The following RPS6KA3 variants were observed in gnomAD, a reference collection of about 807,000 sequenced individuals.
RPS6KA3 encodes ribosomal protein S6 kinase alpha-3.
A neutral mutation model predicts 67.2 loss-of-function variants in RPS6KA3; 4 were observed. The observed-to-expected ratio is 0.06, with a 90% CI of 0.03 to 0.14. The LOEUF (loss-of-function observed/expected upper bound fraction) is 0.14, where lower values mean the gene tolerates loss of function less well. Ranked by LOEUF, RPS6KA3 falls within the 10% of genes least tolerant of loss-of-function variation. The pLI, the probability that RPS6KA3 is intolerant of heterozygous loss-of-function variation, is 1.00. For synonymous variants in RPS6KA3, 182 were observed against 183.7 expected (o/e 0.99, Z 0.07); for missense variants, 204 against 559.0 (o/e 0.36, Z 6.40).
rs747820943 is a variant in RPS6KA3, at chrX:20,188,488, T to G, written c.631+9A>C. 3 of 982,523 alleles carry G rather than the reference T, an allele frequency of 3.1e-6. No individual in the cohort carries two copies. The Admixed American group carries it at 7.0e-5, about 23-fold the overall frequency. 81.0% of individuals were successfully genotyped at this position (982,523 alleles called of 1,213,427 possible). Reference sequence around the variant, plus strand: ...AAATATTTTAATAAAACGAGGATTTTTTTTTTACCTGTTAACTTGATGTGA... The same window carrying G: ...AAATATTTTAATAAAACGAGGATTTGTTTTTTACCTGTTAACTTGATGTGA... On this transcript the variant is annotated intron_variant, in intron 8 of 21. Transcript: ENST00000379565.
intron 2 of RPS6KA3, among the ~76,000 whole-genome samples, chrX:20,221,043 T>C (rs1038671914): frequency 8.9e-6 from 1 of 112,379 alleles, no homozygotes; most frequent in African/African-American, 3.2e-5. Context: ...CAATGAGCAA[T>C]TGCTTTATTC....
chrX:20,233,393 AATATAGG>A (rs1826189807), intron 2 of RPS6KA3, among the ~76,000 whole-genome samples: 1 of 110,853 alleles, frequency 9.0e-6, no homozygotes, highest in South Asian at 3.8e-4. Context: ...AATTACATTA[AATATAGG>A]ATATTCATAA....
intron 4 of RPS6KA3, among the ~76,000 whole-genome samples, chrX:20,199,081 A>G (rs1351559528): frequency 9.0e-6 from 1 of 111,524 alleles, no homozygotes; most frequent in Non-Finnish European, 1.9e-5. Flanking sequence ...CATGTTGGCC[A>G]GGCTGGTCTC....
At position 20,151,507 on chromosome X, in the gene RPS6KA3, C is replaced by CT. The variant is rs2067101970; in HGVS notation, c.*3890_*3891insA. The CT allele has an allele frequency of 8.9e-6, 1 of 112,340 alleles. No individual in the cohort carries two copies. The highest frequency in any genetic ancestry group is 1.9e-5 in the Non-Finnish European group (1 of 53,198). 9.3% of individuals were successfully genotyped at this position (112,340 alleles called of 1,213,427 possible). A position where few individuals can be genotyped will look rare whatever the true frequency, so the allele number is the denominator to read the frequency against. On this transcript the variant is annotated 3_prime_UTR_variant, in exon 22 of 22. Coordinates refer to ENST00000379565, the MANE Select transcript of RPS6KA3 (RefSeq NM_004586.3). ...CATGGCATTGGGCCTTTCAGAGGGA[C>CT]ACAACTCTAGGACTAGATTGAAACC... is the stretch of plus-strand genomic sequence containing the variant.
At chrX:20,210,033 T>C (rs1196335458) in intron 2 of RPS6KA3, among the ~76,000 whole-genome samples, 5 of 111,977 alleles carry the variant, frequency 4.5e-5, no homozygotes, top group Non-Finnish European at 3.8e-5. Flanking sequence ...GAGAAAAGAT[T>C]TAACATTTGG....
intron 10 of RPS6KA3, among the ~76,000 whole-genome samples, chrX:20,182,765 T>A (rs913826488): frequency 1.8e-5 from 2 of 111,975 alleles, no homozygotes; most frequent in African/African-American, 6.5e-5. Context: ...CTTTAGAAGA[T>A]AAGGACAAAA....
At position 20,266,898 on chromosome X, in the gene RPS6KA3, T is replaced by C; in HGVS notation, c.-266A>G. The stretch of plus-strand genomic sequence containing the variant: ...TCGCGCCTCCGCTGGGCACCGGGTC[T>C]CGCCCCTTTCTTCCTCTCCTCCTTC... On this transcript the variant is annotated 5_prime_UTR_variant, in exon 1 of 22. Coordinates refer to ENST00000379565, the MANE Select transcript of RPS6KA3 (RefSeq NM_004586.3). 1 of 576,059 alleles carries C rather than the reference T, an allele frequency of 1.7e-6. No individual in the cohort carries two copies. Among genetic ancestry groups the C allele is most frequent in the Non-Finnish European group, 2.1e-6 (1 of 476,248 alleles). The allele number at this position is 576,059 out of a possible 1,213,427, so 47.5% of individuals were successfully genotyped here. A position where few individuals can be genotyped will look rare whatever the true frequency, so the allele number is the denominator to read the frequency against.
At chrX:20,186,151 A>G (rs954879229) in intron 10 of RPS6KA3, 145 bp downstream of exon 10, 1 of 450,898 alleles carries the variant, frequency 2.2e-6, no homozygotes, top group African/African-American at 2.4e-5. Flanking sequence ...CATGTTGGCC[A>G]GGCTGGTCTC....
At chrX:20,234,879 A>T in intron 1 of RPS6KA3, 65 bp from the exon 2 acceptor site, 1 of 880,012 alleles carries the variant, frequency 1.1e-6, no homozygotes, top group Non-Finnish European at 1.7e-6. Flanking sequence ...AGTTAAATGA[A>T]GGCAGACAAA....
intron 2 of RPS6KA3, among the ~76,000 whole-genome samples, chrX:20,223,632 A>G (rs2069038758): frequency 8.9e-6 from 1 of 111,928 alleles, no homozygotes; most frequent in Admixed American, 9.4e-5. Context: ...TATAACCTTC[A>G]TGTGCTCATC....
chrX:20,195,142 C>T lies in RPS6KA3; in HGVS notation c.329G>A (p.Arg110Gln). 1 of 1,152,233 alleles carries T rather than the reference C, an allele frequency of 8.7e-7. No individual in the cohort carries two copies. Among genetic ancestry groups the T allele is most frequent in the Non-Finnish European group, 1.2e-6 (1 of 842,095 alleles). 95.0% of individuals were successfully genotyped at this position (1,152,233 alleles called of 1,213,427 possible). ...TTCCATTTTTGTCCGAACTCGGTCT[C>T]GAACTATAAAAGATTGTATGTATGC... ...KVLKKATLKV[R>Q]DRVRTKMERD... Residue 110 changes from arginine to glutamine, a missense_variant, in exon 5 of 22, where the codon CGA becomes CAA. Arg to Gln is a conservative substitution (Grantham distance 43). This residue lies in a region of RPS6KA3 where 76 missense variants were observed against 250.3 expected (regional missense o/e 0.30). Coordinates refer to ENST00000379565, the MANE Select transcript of RPS6KA3 (RefSeq NM_004586.3).
At chrX:20,241,491 G>C (rs779464691) in intron 1 of RPS6KA3, 4 of 100,530 alleles carry the variant, frequency 4.0e-5, no homozygotes, top group Non-Finnish European at 8.1e-5. Context: ...GACAGACATA[G>C]AAATAATCTA....
chrX:20,231,827 A>G (rs2069271656), intron 2 of RPS6KA3, among the ~76,000 whole-genome samples: 1 of 111,444 alleles, frequency 9.0e-6, no homozygotes, highest in Admixed American at 9.5e-5. Flanking sequence ...GGAATGATGT[A>G]TCTACAAGCC....
rs1232575361 is a variant in RPS6KA3 at position 20,151,792 on chromosome X, A to C, written c.*3606T>G. 2 of 112,171 alleles carry C rather than the reference A, an allele frequency of 1.8e-5. No homozygotes were observed. Among genetic ancestry groups the C allele is most frequent in the Non-Finnish European group, 3.8e-5 (2 of 53,258 alleles). 9.2% of individuals were successfully genotyped at this position (112,171 alleles called of 1,213,427 possible). A position where few individuals can be genotyped will look rare whatever the true frequency, so the allele number is the denominator to read the frequency against. On this transcript the variant is annotated 3_prime_UTR_variant, in exon 22 of 22. Coordinates refer to ENST00000379565, the MANE Select transcript of RPS6KA3 (RefSeq NM_004586.3). ...ATGGGTATTGCTGGCCTCCATGGTG[A>C]TTAAGCGCATCCATAGCAAGGCCTG...
At chrX:20,259,468 T>C (rs1482201737) in intron 1 of RPS6KA3, among the ~76,000 whole-genome samples, 1 of 111,947 alleles carries the variant, frequency 8.9e-6, no homozygotes, top group Non-Finnish European at 1.9e-5. Flanking sequence ...ATATTCACTA[T>C]TAAGACGGAA....
intron 15 of RPS6KA3, among the ~76,000 whole-genome samples, chrX:20,172,333 T>C (rs2067593689): frequency 8.9e-6 from 1 of 112,183 alleles, no homozygotes; most frequent in Non-Finnish European, 1.9e-5. Flanking sequence ...ATAGTGGTTT[T>C]TATTCATTAG....
intron 14 of RPS6KA3, among the ~76,000 whole-genome samples, chrX:20,173,959 T>A (rs1322730905): frequency 8.9e-6 from 1 of 112,711 alleles, no homozygotes; most frequent in Non-Finnish European, 1.9e-5. Flanking sequence ...ATTTCTTGTA[T>A]CTTTTCTAAG....
intron 5 of RPS6KA3, among the ~76,000 whole-genome samples, chrX:20,194,567 A>G (rs2068223514): frequency 9.0e-6 from 1 of 111,500 alleles, no homozygotes; most frequent in Non-Finnish European, 1.9e-5. Flanking sequence ...ACGAAATAAC[A>G]TACAAAAACC....
intron 15 of RPS6KA3, among the ~76,000 whole-genome samples, chrX:20,170,106 A>G (rs1023298410): frequency 1.8e-5 from 2 of 112,350 alleles, no homozygotes; most frequent in Non-Finnish European, 3.8e-5. Flanking sequence ...TTTAATTATT[A>G]TAATAAAGCC....
Sources: gnomAD v4.1 joint callset for allele counts (sites outside exome capture counted in the v4.1 genomes callset) on GRCh38, gnomAD v4.1.1 for gene constraint, gnomAD v4.1.1 regional missense constraint, MANE v1.5 for transcripts, NCBI Gene and HGNC (gene_info 2026-07-23, HGNC 2026-07-21) for gene names.